The following MEF2C variants were observed in gnomAD, a reference collection of about 807,000 sequenced individuals.
MEF2C encodes myocyte-specific enhancer factor 2C.
MEF2C carries 6 observed loss-of-function variants against 50.5 expected under a neutral mutation model. The ratio of observed to expected loss-of-function variants is 0.12; its 90% CI spans 0.07 to 0.23. The LOEUF is 0.23. Among genes scored for constraint, MEF2C ranks in the 10% least tolerant of loss-of-function variants. The probability of loss-of-function intolerance (pLI) is 1.00; values close to 1 mark genes in which losing one functional copy is unlikely to be tolerated. For missense variants in MEF2C, 276 were observed against 605.0 expected (o/e 0.46, Z 5.70); for synonymous variants, 183 against 228.0 (o/e 0.80, Z 1.78).
chr5:88,811,135 C>T (rs1249655944), intron 2 of MEF2C, among the ~76,000 whole-genome samples: 1 of 151,852 alleles, frequency 6.6e-6, no homozygotes, highest in East Asian at 1.9e-4. Flanking sequence ...AAAGCACTGA[C>T]AAAATTAGAG....
intron 3 of MEF2C, among the ~76,000 whole-genome samples, chr5:88,768,273 C>T (rs1780879099): frequency 6.6e-6 from 1 of 152,176 alleles, no homozygotes; most frequent in South Asian, 2.1e-4. Flanking sequence ...AGCAGTCTGA[C>T]CTACTGTAGT....
At chr5:88,729,112 G>A (rs1437651989) in intron 9 of MEF2C, 106 bp downstream of exon 9, 14 of 1,298,982 alleles carry the variant, frequency 1.1e-5, no homozygotes, top group Non-Finnish European at 1.4e-5. Context: ...TGTGGACGGC[G>A]CAGGCCCTAA....
At chr5:88,883,690 C>G (rs1415394248), upstream of MEF2C, 1 of 152,136 alleles carries the variant, frequency 6.6e-6, no homozygotes, top group Admixed American at 6.6e-5. Context: ...GTCTCTCTCT[C>G]CCCCACAATC....
chr5:88,820,306 A>G (rs1382895784), intron 2 of MEF2C, among the ~76,000 whole-genome samples: 1 of 151,914 alleles, frequency 6.6e-6, no homozygotes, highest in African/African-American at 2.4e-5. Context: ...CACCTAAACT[A>G]TTTTACGTAT....
At chr5:88,817,054 G>A (rs148102947) in intron 2 of MEF2C, among the ~76,000 whole-genome samples, 8 of 152,098 alleles carry the variant, frequency 5.3e-5, no homozygotes, top group African/African-American at 1.9e-4. Context: ...GCATTTAGCA[G>A]TGGAGACTGC....
chr5:88,760,868 G>C, intron 4 of MEF2C: 1 of 1,091,726 alleles, frequency 9.2e-7, no homozygotes, highest in Non-Finnish European at 1.3e-6. Flanking sequence ...CCCGTGGGAT[G>C]AGATGGCTAT....
At chr5:88,784,561 A>C (rs987461652) in intron 3 of MEF2C, among the ~76,000 whole-genome samples, 1 of 152,206 alleles carries the variant, frequency 6.6e-6, no homozygotes, top group Non-Finnish European at 1.5e-5. Context: ...CATAGCTCAT[A>C]TCACTATTAC....
chr5:88,783,536 G>A (rs1426791137), intron 3 of MEF2C, among the ~76,000 whole-genome samples: 2 of 152,128 alleles, frequency 1.3e-5, no homozygotes, highest in East Asian at 3.8e-4. Flanking sequence ...GGGAGGCTGA[G>A]GAAGAATTGC....
At chr5:88,830,832 C>A (rs1417761718) in intron 1 of MEF2C, among the ~76,000 whole-genome samples, 2 of 152,094 alleles carry the variant, frequency 1.3e-5, no homozygotes, top group Non-Finnish European at 2.9e-5. Flanking sequence ...AAAGCAAGAG[C>A]TACAATTTAA....
Position 88,731,910 on chromosome 5 carries a change from A to G in MEF2C, c.638-9T>C. ...ATTGCCATACCCGTTCCCTGTTAACAAAAAACAATAAAGCATTTAGGAAGA... is the reference window on the plus strand; with the variant it reads ...ATTGCCATACCCGTTCCCTGTTAACGAAAAACAATAAAGCATTTAGGAAGA... On this transcript the variant is annotated splice_polypyrimidine_tract_variant and intron_variant, in intron 6 of 10. Transcript: ENST00000504921. 6.2e-7 allele frequency: 1 copy of G among 1,602,922 alleles called. No individual in the cohort carries two copies. The highest frequency in any genetic ancestry group is 8.5e-7 in the Non-Finnish European group (1 of 1,173,704).
intron 1 of MEF2C, among the ~76,000 whole-genome samples, chr5:88,866,129 C>T (rs1228353468): frequency 6.6e-6 from 1 of 152,174 alleles, no homozygotes; most frequent in Non-Finnish European, 1.5e-5. Flanking sequence ...ATCTCCTAAC[C>T]TCGTGATCCG....
intron 2 of MEF2C, among the ~76,000 whole-genome samples, chr5:88,823,248 T>C (rs1809301474): frequency 6.6e-6 from 1 of 151,998 alleles, no homozygotes; most frequent in Non-Finnish European, 1.5e-5. Flanking sequence ...TTGTTGTTGT[T>C]GTCAGCACAA....
intron 1 of MEF2C, chr5:88,881,133 C>T (rs373151339): frequency 2.0e-5 from 3 of 152,098 alleles, no homozygotes; most frequent in East Asian, 3.8e-4. Flanking sequence ...CCTACTGTCT[C>T]TTTGACGGGA....
rs1466355887 is a variant in MEF2C at position 88,747,621 on chromosome 5, TTAC to T, written c.637+1446_637+1448del. Among the ~76,000 whole-genome samples, 9 of 46,420 alleles carry T rather than the reference TTAC, an allele frequency of 1.9e-4. 3 individuals carry two copies. The highest frequency in any genetic ancestry group is 1.1e-3 in the East Asian group (1 of 924). The allele number at this position is 46,420 out of a possible 152,430, so 30.5% of individuals were successfully genotyped here. A position where few individuals can be genotyped will look rare whatever the true frequency, so the allele number is the denominator to read the frequency against. On this transcript the variant is annotated intron_variant, in intron 6 of 10. Transcript: ENST00000504921. ...GCCTCGGCCTCCCAAAGTGCTGGGATTACAGGCGTGAGCCACCGCGCCCGGCCC... is the reference window on the plus strand; with the variant it reads ...GCCTCGGCCTCCCAAAGTGCTGGGATAGGCGTGAGCCACCGCGCCCGGCCC...
intron 1 of MEF2C, among the ~76,000 whole-genome samples, chr5:88,830,002 T>C (rs746417783): frequency 7.2e-5 from 11 of 152,028 alleles, no homozygotes; most frequent in Non-Finnish European, 1.5e-4. Flanking sequence ...ATAGTAATGC[T>C]ATCAAGTGAA....
intron 3 of MEF2C, among the ~76,000 whole-genome samples, chr5:88,783,092 T>C (rs183895111): frequency 5.3e-4 from 80 of 152,312 alleles, no homozygotes; most frequent in Non-Finnish European, 1.0e-3. Context: ...TGTTTGAGCC[T>C]AAAAAGGACT....
chr5:88,837,461 G>T (rs571780551), intron 1 of MEF2C, among the ~76,000 whole-genome samples: 22 of 152,256 alleles, frequency 1.4e-4, no homozygotes, highest in African/African-American at 5.1e-4. Context: ...CTGCACAGTG[G>T]AAAGAAAGCT....
At chr5:88,733,215 T>C in intron 6 of MEF2C, 1 of 985,266 alleles carries the variant, frequency 1.0e-6, no homozygotes, top group Non-Finnish European at 1.2e-6. Flanking sequence ...GGAAGATATG[T>C]TAGGCTTGTG....
intron 2 of MEF2C, among the ~76,000 whole-genome samples, chr5:88,818,503 A>G (rs1203795014): frequency 6.6e-5 from 10 of 151,974 alleles, no homozygotes; most frequent in Admixed American, 6.6e-4. Context: ...CATAAGCTAG[A>G]AGCTGGTAGT....
Sources: gnomAD v4.1 joint callset for allele counts (sites outside exome capture counted in the v4.1 genomes callset) on GRCh38, gnomAD v4.1.1 for gene constraint, MANE v1.5 for transcripts, NCBI Gene and HGNC (gene_info 2026-07-23, HGNC 2026-07-21) for gene names.